Variants in HIBADH observed in about 807,000 individuals in gnomAD.
HIBADH encodes 3-hydroxyisobutyrate dehydrogenase, mitochondrial.
In HIBADH, 25 loss-of-function variants were observed where a neutral mutation model predicts 36.1. The observed-to-expected ratio is 0.69, with a 90% CI of 0.50 to 0.97. The LOEUF (loss-of-function observed/expected upper bound fraction) is 0.97. HIBADH is among the 50% of genes least tolerant of loss of function. The probability of loss-of-function intolerance (pLI) is 0.00; values close to 1 mark genes in which losing one functional copy is unlikely to be tolerated. For missense variants in HIBADH, 421 were observed against 418.0 expected (o/e 1.01, Z -0.06); for synonymous variants, 160 against 149.5 (o/e 1.07, Z -0.51).
In HIBADH at chr7:27,645,005, T is replaced by C. The variant is rs536585843; in HGVS notation, c.252+4468A>G. On this transcript the variant is annotated intron_variant, in intron 2 of 7. Coordinates refer to ENST00000265395, the MANE Select transcript of HIBADH (RefSeq NM_152740.4). Reference sequence around the variant, plus strand: ...AATATTAGTACTTCATTTCTTTTTATTACTGAATAATCATCATTGTATGGA... The same window carrying C: ...AATATTAGTACTTCATTTCTTTTTACTACTGAATAATCATCATTGTATGGA... Among the ~76,000 whole-genome samples the C allele has an allele frequency of 5.9e-5, 9 of 152,294 alleles. No homozygotes were observed. The South Asian group carries it at 1.4e-3, about 25-fold the overall frequency.
At chr7:27,571,154 T>A (rs909210978) in intron 4 of HIBADH, among the ~76,000 whole-genome samples, 1 of 152,132 alleles carries the variant, frequency 6.6e-6, no homozygotes, top group African/African-American at 2.4e-5. Flanking sequence ...TTTTTAAATT[T>A]CAATGATTTT....
chr7:27,585,265 ATGTATG>A (rs1562631594), intron 4 of HIBADH, among the ~76,000 whole-genome samples: 1 of 48,018 alleles, frequency 2.1e-5, no homozygotes, highest in African/African-American at 1.3e-4. Context: ...ACACGTGTGT[ATGTATG>A]TGTATGTATA....
chr7:27,567,211 T>C (rs1562624093), intron 4 of HIBADH, among the ~76,000 whole-genome samples: 1 of 152,142 alleles, frequency 6.6e-6, no homozygotes, highest in East Asian at 1.9e-4. Context: ...TGAAGCTCTA[T>C]TATTAGGTAC....
At chr7:27,635,087 T>A (rs946523034) in intron 2 of HIBADH, among the ~76,000 whole-genome samples, 1 of 6,712 alleles carries the variant, frequency 1.5e-4, no homozygotes. Flanking sequence ...TCTCTGTGCA[T>A]GTGTGTGTGT....
intron 7 of HIBADH, among the ~76,000 whole-genome samples, chr7:27,527,383 T>G (rs1783919794): frequency 6.6e-6 from 1 of 152,136 alleles, no homozygotes; most frequent in African/African-American, 2.4e-5. Context: ...TAAGATGTAT[T>G]TGTGGTACAA....
intron 4 of HIBADH, among the ~76,000 whole-genome samples, chr7:27,604,453 A>G (rs2128290779): frequency 1.3e-5 from 2 of 151,420 alleles, no homozygotes; most frequent in South Asian, 4.2e-4. Flanking sequence ...TGTTGGCTAC[A>G]TAGCTCACAA....
intron 4 of HIBADH, among the ~76,000 whole-genome samples, chr7:27,592,074 T>C (rs1784948391): frequency 6.6e-6 from 1 of 152,208 alleles, no homozygotes; most frequent in Non-Finnish European, 1.5e-5. Context: ...TCCCTTTGCC[T>C]GAAAACAGCC....
chr7:27,568,103 T>C (rs910373982), intron 4 of HIBADH, among the ~76,000 whole-genome samples: 2 of 151,126 alleles, frequency 1.3e-5, no homozygotes, highest in Non-Finnish European at 3.0e-5. Context: ...GAAAAAATAC[T>C]GTATTTATCC....
chr7:27,642,209 C>G lies in HIBADH; in HGVS notation c.252+7264G>C, dbSNP rs79714261. 9.4e-3 allele frequency among the ~76,000 whole-genome samples: 1,180 copies of G among 126,006 alleles called. 8 individuals are homozygous for G. The highest frequency in any genetic ancestry group is 0.02 in the Middle Eastern group (5 of 246). The allele number at this position is 126,006 out of a possible 152,430, so 82.7% of individuals were successfully genotyped here. A position where few individuals can be genotyped will look rare whatever the true frequency, so the allele number is the denominator to read the frequency against. On this transcript the variant is annotated intron_variant, in intron 2 of 7. Coordinates refer to ENST00000265395, the MANE Select transcript of HIBADH (RefSeq NM_152740.4). ...AACCCTCAAATTTTTATGCAGGAAT[C>G]TTGGAGACCTTGTCCTTCATGATTT...
At chr7:27,620,579 TAA>T (rs770152723) in intron 4 of HIBADH, among the ~76,000 whole-genome samples, 2 of 149,910 alleles carry the variant, frequency 1.3e-5, no homozygotes, top group Non-Finnish European at 3.0e-5. Flanking sequence ...GAAGAAGAAA[TAA>T]AGTCTTCTCT....
chr7:27,547,051 C>T (rs1376954944), intron 4 of HIBADH, among the ~76,000 whole-genome samples: 3 of 152,206 alleles, frequency 2.0e-5, no homozygotes, highest in African/African-American at 4.8e-5. Context: ...TCCTAGCCCT[C>T]TCAGTATAAA....
At position 27,604,054 on chromosome 7, in the gene HIBADH, A is replaced by T. The variant is rs927962911; in HGVS notation, c.484+25317T>A. On this transcript the variant is annotated intron_variant, in intron 4 of 7. Transcript: ENST00000265395. Reference sequence around the variant, plus strand: ...CCACTTAGACAGTATTGCCTTTTATATCTATGTGGAGGTTCCCATGGCAAC... The same window carrying T: ...CCACTTAGACAGTATTGCCTTTTATTTCTATGTGGAGGTTCCCATGGCAAC... Among the ~76,000 whole-genome samples the T allele has an allele frequency of 2.0e-5, 3 of 152,228 alleles. 1 individual carries two copies. The South Asian group carries it at 6.2e-4, about 32-fold the overall frequency.
chr7:27,563,350 T>C (rs1318988382), intron 4 of HIBADH, among the ~76,000 whole-genome samples: 1 of 152,224 alleles, frequency 6.6e-6, no homozygotes, highest in Non-Finnish European at 1.5e-5. Context: ...GGATCATGAA[T>C]TCAGGTACAG....
chr7:27,647,039 T>G (rs1045845571), intron 2 of HIBADH, among the ~76,000 whole-genome samples: 3 of 152,142 alleles, frequency 2.0e-5, no homozygotes, highest in Admixed American at 2.0e-4. Flanking sequence ...GTTTAATTTA[T>G]AAATTAGTCA....
At chr7:27,644,356 T>C (rs944527778) in intron 2 of HIBADH, among the ~76,000 whole-genome samples, 5 of 151,922 alleles carry the variant, frequency 3.3e-5, no homozygotes, top group Admixed American at 2.6e-4. Context: ...TCTCAGCACT[T>C]TGGGAGGCCA....
chr7:27,604,322 C>G (rs1222970086), intron 4 of HIBADH, among the ~76,000 whole-genome samples: 1 of 151,954 alleles, frequency 6.6e-6, no homozygotes. Context: ...TTTGTATGTG[C>G]TTACTCTTAC....
rs574929852 is a variant in HIBADH at position 27,639,260 on chromosome 7, A to T, written c.253-6815T>A. ...ACACCATGAAATACTATGCAGCCAT[A>T]AAAAAGAATGAGATCATGGCCTTTA... On this transcript the variant is annotated intron_variant, in intron 2 of 7. Coordinates refer to ENST00000265395, the MANE Select transcript of HIBADH (RefSeq NM_152740.4). Among the ~76,000 whole-genome samples the T allele has an allele frequency of 3.1e-3, 473 of 152,338 alleles. 3 individuals are homozygous for T. Among genetic ancestry groups the T allele is most frequent in the African/African-American group, 0.011 (451 of 41,564 alleles).
chr7:27,554,684 G>C (rs749399760), intron 4 of HIBADH, among the ~76,000 whole-genome samples: 4 of 152,200 alleles, frequency 2.6e-5, no homozygotes, highest in Admixed American at 6.5e-5. Flanking sequence ...TCAGAGGAGA[G>C]AGGGAAGAGA....
chr7:27,574,670 T>C (rs1280969257), intron 4 of HIBADH, among the ~76,000 whole-genome samples: 1 of 152,194 alleles, frequency 6.6e-6, no homozygotes, highest in African/African-American at 2.4e-5. Context: ...ATTTACATAC[T>C]GTACTCAGCC....
Sources: gnomAD v4.1 joint callset for allele counts (sites outside exome capture counted in the v4.1 genomes callset) on GRCh38, gnomAD v4.1.1 for gene constraint, MANE v1.5 for transcripts, NCBI Gene and HGNC (gene_info 2026-07-23, HGNC 2026-07-21) for gene names.